Variants in IL1RL2 observed in about 807,000 individuals in gnomAD.
IL1RL2 encodes interleukin 1 receptor like 2, also known as interleukin-1 receptor-like 2.
In IL1RL2, 68 loss-of-function variants were observed where a neutral mutation model predicts 66.8. That is an observed-to-expected ratio of 1.02 (90% confidence interval 0.84 to 1.25). The LOEUF (loss-of-function observed/expected upper bound fraction) is 1.25. Ranked by LOEUF, IL1RL2 falls within the 50% of genes most tolerant of loss-of-function variation. The pLI, the probability that IL1RL2 is intolerant of heterozygous loss-of-function variation, is 0.00. For missense variants in IL1RL2, 729 were observed against 709.3 expected (o/e 1.03, Z -0.32); for synonymous variants, 305 against 264.6 (o/e 1.15, Z -1.48).
chr2:102,227,786 C>T (rs1690758392), intron 9 of IL1RL2, among the ~76,000 whole-genome samples: 1 of 152,092 alleles, frequency 6.6e-6, no homozygotes, highest in Non-Finnish European at 1.5e-5. Context: ...AAGCTCAGGC[C>T]CCATGGTGTG....
chr2:102,193,071 C>T (rs751352523), intron 4 of IL1RL2, among the ~76,000 whole-genome samples: 9 of 152,150 alleles, frequency 5.9e-5, no homozygotes, highest in Admixed American at 2.0e-4. Flanking sequence ...CACGTGCACA[C>T]ACACACACAC....
At chr2:102,237,649 A>G (rs1674999865) in intron 11 of IL1RL2, among the ~76,000 whole-genome samples, 1 of 152,204 alleles carries the variant, frequency 6.6e-6, no homozygotes, top group South Asian at 2.1e-4. Flanking sequence ...TCGAGATGCA[A>G]AGAAACTTTT....
chr2:102,187,874 T>G lies in IL1RL2; in HGVS notation c.7T>G (p.Ser3Ala), dbSNP rs1428737649. Residue 3 changes from serine to alanine, a missense_variant, in exon 2 of 12, where the codon TCC becomes GCC. Ser to Ala is a moderately conservative substitution (Grantham distance 99, BLOSUM62 1). Coordinates refer to ENST00000264257, the MANE Select transcript of IL1RL2 (RefSeq NM_003854.4). ...CTTGCAGCCCGGTTTGGGGATGTGG[T>G]CCTTGCTGCTCTGCGGGTTGTCCAT... MW[S>A]LLLCGLSIAL... 6.2e-7 allele frequency: 1 copy of G among 1,613,690 alleles called. No homozygotes were observed. Among genetic ancestry groups the G allele is most frequent in the Non-Finnish European group, 8.5e-7 (1 of 1,179,830 alleles).
intron 8 of IL1RL2, among the ~76,000 whole-genome samples, chr2:102,223,483 A>G (rs1370257563): frequency 6.6e-6 from 1 of 152,246 alleles, no homozygotes. Flanking sequence ...AACCTTTAAC[A>G]GGACATCTAG....
chr2:102,210,106 A>G (rs974491109), intron 5 of IL1RL2, among the ~76,000 whole-genome samples: 1 of 152,212 alleles, frequency 6.6e-6, no homozygotes, highest in African/African-American at 2.4e-5. Flanking sequence ...GCAGTGGCTC[A>G]GGGAAAGCTT....
intron 8 of IL1RL2, among the ~76,000 whole-genome samples, chr2:102,222,247 A>G (rs1290675209): frequency 3.9e-5 from 6 of 152,104 alleles, no homozygotes; most frequent in African/African-American, 1.4e-4. Context: ...TAGTCCATTG[A>G]ATAACTAGGT....
chr2:102,241,215 C>T (rs1203412115), downstream of IL1RL2, among the ~76,000 whole-genome samples: 1 of 152,204 alleles, frequency 6.6e-6, no homozygotes, highest in Non-Finnish European at 1.5e-5. Flanking sequence ...GTGCCATTTT[C>T]GAATGTGTTC....
intron 4 of IL1RL2, among the ~76,000 whole-genome samples, chr2:102,194,806 A>T (rs774416069): frequency 8.6e-5 from 13 of 151,934 alleles, no homozygotes; most frequent in Non-Finnish European, 1.8e-4. Flanking sequence ...GGAGTGTGGT[A>T]GTGCAATCAT....
In IL1RL2 at chr2:102,187,938, T is replaced by C. The variant is rs1458254541; in HGVS notation, c.58+13T>C. The C allele has an allele frequency of 6.2e-7, 1 of 1,613,174 alleles. No homozygotes were observed. Among genetic ancestry groups the C allele is most frequent in the Admixed American group, 1.7e-5 (1 of 60,028 alleles). On this transcript the variant is annotated intron_variant, in intron 2 of 11. Coordinates refer to ENST00000264257, the MANE Select transcript of IL1RL2 (RefSeq NM_003854.4). ...TCTGTCACAGCAGGTACGTTCCGTG[T>C]GTCCTCCGTTCCCAGAGGCTGCCCG... is the stretch of plus-strand genomic sequence containing the variant.
At chr2:102,231,721 G>T (rs544995405) in intron 9 of IL1RL2, among the ~76,000 whole-genome samples, 1 of 152,278 alleles carries the variant, frequency 6.6e-6, no homozygotes, top group South Asian at 2.1e-4. Flanking sequence ...ATTGGCCAAT[G>T]CAGGGGCTGC....
intron 4 of IL1RL2, among the ~76,000 whole-genome samples, chr2:102,197,412 T>G (rs994534211): frequency 6.6e-6 from 1 of 152,188 alleles, no homozygotes; most frequent in Non-Finnish European, 1.5e-5. Flanking sequence ...GCTTGGAAAT[T>G]AGACAAAAGT....
intron 3 of IL1RL2, among the ~76,000 whole-genome samples, chr2:102,190,193 C>T (rs1687112401): frequency 6.6e-6 from 1 of 152,152 alleles, no homozygotes; most frequent in Admixed American, 6.5e-5. Context: ...CAGGTCAAGC[C>T]CATCTTCTCA....
chr2:102,203,343 T>TC (rs1688432593), intron 5 of IL1RL2, among the ~76,000 whole-genome samples: 2 of 80,910 alleles, frequency 2.5e-5, no homozygotes, highest in African/African-American at 6.4e-5. Flanking sequence ...GTTTTCTCTC[T>TC]CTTTTTTTTT....
At chr2:102,190,057 G>A (rs533101612) in intron 3 of IL1RL2, among the ~76,000 whole-genome samples, 1 of 152,280 alleles carries the variant, frequency 6.6e-6, no homozygotes, top group Non-Finnish European at 1.5e-5. Context: ...CTTAAGGCAG[G>A]GAGTAAGCAT....
intron 6 of IL1RL2, among the ~76,000 whole-genome samples, chr2:102,213,977 G>C (rs1455541692): frequency 1.3e-5 from 2 of 152,028 alleles, no homozygotes. Flanking sequence ...ACAACAAATG[G>C]TAAGAGATAA....
chr2:102,241,625 A>G (rs1297753546), downstream of IL1RL2, among the ~76,000 whole-genome samples: 1 of 152,220 alleles, frequency 6.6e-6, no homozygotes, highest in African/African-American at 2.4e-5. Context: ...GTAGGGGGGC[A>G]TTTACCATGT....
intron 5 of IL1RL2, among the ~76,000 whole-genome samples, chr2:102,207,416 C>G (rs1337453998): frequency 1.3e-5 from 2 of 152,130 alleles, no homozygotes; most frequent in Non-Finnish European, 2.9e-5. Context: ...ATAATTGCTA[C>G]TGATTATTCA....
chr2:102,189,648 C>T (rs1489953078), intron 3 of IL1RL2, among the ~76,000 whole-genome samples: 2 of 151,920 alleles, frequency 1.3e-5, no homozygotes, highest in Non-Finnish European at 2.9e-5. Context: ...GATGGAGTCT[C>T]GCTCCGTCAC....
chr2:102,208,755 C>T (rs1322358672), intron 5 of IL1RL2, among the ~76,000 whole-genome samples: 3 of 152,306 alleles, frequency 2.0e-5, no homozygotes, highest in East Asian at 1.9e-4. Context: ...CTAGAGAGCC[C>T]GTTCTAGTCC....
Sources: gnomAD v4.1 joint callset for allele counts (sites outside exome capture counted in the v4.1 genomes callset) on GRCh38, gnomAD v4.1.1 for gene constraint, MANE v1.5 for transcripts, NCBI Gene and HGNC (gene_info 2026-07-23, HGNC 2026-07-21) for gene names.